Variants in HEMK2 observed in about 807,000 individuals in gnomAD.
The protein encoded by HEMK2 is methyltransferase HEMK2.
the HEMK2 span, among the ~76,000 whole-genome samples, chr21:28,632,688 AG>A: frequency 2.6e-5 from 4 of 152,190 alleles, no homozygotes; most frequent in Non-Finnish European, 5.9e-5. Context: ...TTTGGCTTAC[AG>A]GGGAAAAAGT....
At chr21:28,641,627 C>A in the HEMK2 span, among the ~76,000 whole-genome samples, 1 of 152,146 alleles carries the variant, frequency 6.6e-6, no homozygotes, top group African/African-American at 2.4e-5. Flanking sequence ...GACTGGACAC[C>A]CAGCAAAACA....
the HEMK2 span, among the ~76,000 whole-genome samples, chr21:28,710,734 ATTTTC>A: frequency 6.6e-6 from 1 of 152,166 alleles, no homozygotes; most frequent in Non-Finnish European, 1.5e-5. Context: ...AGGATCAGTT[ATTTTC>A]TTTTCTTCAA....
chr21:28,650,832 G>C, the HEMK2 span, among the ~76,000 whole-genome samples: 6 of 152,152 alleles, frequency 3.9e-5, no homozygotes, highest in Admixed American at 3.9e-4. Context: ...AAAGGGGCTT[G>C]AGGAAACAGA....
At chr21:28,834,448 A>G in the HEMK2 span, among the ~76,000 whole-genome samples, 37,210 of 152,082 alleles carry the variant, frequency 0.24, 4,695 homozygotes, top group South Asian at 0.32. Flanking sequence ...AGCTGAGTCA[A>G]TCTAGAGAGC....
the HEMK2 span, among the ~76,000 whole-genome samples, chr21:28,856,444 AG>A: frequency 6.6e-6 from 1 of 152,288 alleles, no homozygotes; most frequent in Non-Finnish European, 1.5e-5. Context: ...ATAATAATTA[AG>A]GTTATTTTGG....
At chr21:28,647,510 A>AC in the HEMK2 span, among the ~76,000 whole-genome samples, 4 of 144,518 alleles carry the variant, frequency 2.8e-5, no homozygotes, top group Admixed American at 1.4e-4. Context: ...CTCCATCTCA[A>AC]AAAAAAAAAA....
At chr21:28,841,248 A>AATATATTATATATATTATATATT in the HEMK2 span, among the ~76,000 whole-genome samples, 1 of 4,158 alleles carries the variant, frequency 2.4e-4, no homozygotes, top group Non-Finnish European at 3.2e-4. Context: ...TTATATATAT[A>AATATATTATATATATTATATATT]ATATATTATA....
At chr21:28,821,318 G>A in the HEMK2 span, among the ~76,000 whole-genome samples, 3 of 152,080 alleles carry the variant, frequency 2.0e-5, no homozygotes, top group African/African-American at 7.2e-5. Flanking sequence ...CTGAATCTCC[G>A]CTGCCCCACT....
chr21:28,630,077 C>T, the HEMK2 span, among the ~76,000 whole-genome samples: 1 of 152,242 alleles, frequency 6.6e-6, no homozygotes, highest in Middle Eastern at 3.4e-3. Context: ...TATGTATTTT[C>T]CACTACATCT....
the HEMK2 span, among the ~76,000 whole-genome samples, chr21:28,609,357 C>T: frequency 2.0e-5 from 3 of 152,132 alleles, no homozygotes; most frequent in Non-Finnish European, 2.9e-5. Context: ...GAGGAGAGCA[C>T]CACATCAAGG....
chr21:28,719,012 C>G, the HEMK2 span, among the ~76,000 whole-genome samples: 2 of 152,126 alleles, frequency 1.3e-5, no homozygotes, highest in Non-Finnish European at 2.9e-5. Flanking sequence ...AAGCCAGTCC[C>G]CAAAAAAGGC....
the HEMK2 span, among the ~76,000 whole-genome samples, chr21:28,834,468 T>C: frequency 6.6e-6 from 1 of 152,288 alleles, no homozygotes; most frequent in Non-Finnish European, 1.5e-5. Flanking sequence ...CTGAGTGAAA[T>C]TCAGGGGCAG....
chr21:28,661,566 A>G, the HEMK2 span, among the ~76,000 whole-genome samples: 1 of 151,330 alleles, frequency 6.6e-6, no homozygotes. Context: ...GTATGCAAAT[A>G]TATATATATA....
At chr21:28,855,991 C>T in the HEMK2 span, among the ~76,000 whole-genome samples, 3 of 146,854 alleles carry the variant, frequency 2.0e-5, no homozygotes, top group South Asian at 6.3e-4. Flanking sequence ...TAGCAGAAGA[C>T]AAAAAATAAT....
chr21:28,701,595 C>G, the HEMK2 span, among the ~76,000 whole-genome samples: 21 of 147,044 alleles, frequency 1.4e-4, no homozygotes, highest in Admixed American at 3.4e-4. Context: ...CACACACACA[C>G]AGACAAAACC....
At chr21:28,797,482 C>CTGGGCATACTGA in the HEMK2 span, among the ~76,000 whole-genome samples, 1 of 150,874 alleles carries the variant, frequency 6.6e-6, no homozygotes, top group East Asian at 2.0e-4. Context: ...AACAAATTAG[C>CTGGGCATACTGA]TGTGTGCCTG....
At chr21:28,653,311 C>T in the HEMK2 span, among the ~76,000 whole-genome samples, 2 of 152,066 alleles carry the variant, frequency 1.3e-5, no homozygotes, top group Admixed American at 1.3e-4. Flanking sequence ...GAAGAAAACC[C>T]AAACTGCTTA....
At chr21:28,882,459 A>G in the HEMK2 span, among the ~76,000 whole-genome samples, 16 of 152,230 alleles carry the variant, frequency 1.1e-4, no homozygotes, top group Non-Finnish European at 2.1e-4. Context: ...GTCCAAGAGT[A>G]GAAGAATACA....
At chr21:28,792,055 A>G in the HEMK2 span, among the ~76,000 whole-genome samples, 1 of 152,170 alleles carries the variant, frequency 6.6e-6, no homozygotes, top group South Asian at 2.1e-4. Flanking sequence ...TTAGCATGCT[A>G]AAAGACACTC....
Sources: gnomAD v4.1 joint callset for allele counts (sites outside exome capture counted in the v4.1 genomes callset) on GRCh38, gnomAD v4.1.1 for gene constraint, MANE v1.5 for transcripts, NCBI Gene and HGNC (gene_info 2026-07-23, HGNC 2026-07-21) for gene names.